The following HSPA12A variants were observed in gnomAD, a reference collection of about 807,000 sequenced individuals.
HSPA12A encodes the protein heat shock protein family A (Hsp70) member 12A.
A neutral mutation model predicts 69.2 loss-of-function variants in HSPA12A; 28 were observed. The observed-to-expected ratio is 0.40, with a 90% CI of 0.30 to 0.55. The LOEUF is 0.55. HSPA12A is among the 20% of genes least tolerant of loss of function. The pLI, the probability that HSPA12A is intolerant of heterozygous loss-of-function variation, is 0.38. For synonymous variants in HSPA12A, 345 were observed against 370.5 expected (o/e 0.93, Z 0.79); for missense variants, 686 against 900.7 (o/e 0.76, Z 3.05).
chr10:116,771,570 G>A (rs1218057912), intron 2 of HSPA12A, among the ~76,000 whole-genome samples: 1 of 152,218 alleles, frequency 6.6e-6, no homozygotes, highest in Non-Finnish European at 1.5e-5. Context: ...GCCCCCGGGA[G>A]GATGTTTCCG....
At chr10:116,746,322 G>C (rs1363260820), upstream of HSPA12A, among the ~76,000 whole-genome samples, 2 of 152,214 alleles carry the variant, frequency 1.3e-5, no homozygotes, top group African/African-American at 4.8e-5. Context: ...TGTGGAAAGG[G>C]CTGGACATGA....
intron 2 of HSPA12A, among the ~76,000 whole-genome samples, chr10:116,771,188 C>T (rs1554890445): frequency 6.6e-6 from 1 of 152,208 alleles, no homozygotes; most frequent in East Asian, 1.9e-4. Flanking sequence ...AAGGCCCTGC[C>T]CATTTTGCCT....
chr10:116,689,940 T>C (rs1282084248), intron 6 of HSPA12A, among the ~76,000 whole-genome samples: 1 of 152,216 alleles, frequency 6.6e-6, no homozygotes, highest in Non-Finnish European at 1.5e-5. Flanking sequence ...GGAGGGCCAT[T>C]GCTTTGCTCA....
chr10:116,700,724 C>G (rs902343525), intron 4 of HSPA12A, among the ~76,000 whole-genome samples: 1 of 152,190 alleles, frequency 6.6e-6, no homozygotes, highest in Non-Finnish European at 1.5e-5. Context: ...TTCAGAATAT[C>G]TCCCTGCCCA....
At chr10:116,839,285 A>G (rs1845765450) in intron 1 of HSPA12A, among the ~76,000 whole-genome samples, 1 of 152,202 alleles carries the variant, frequency 6.6e-6, no homozygotes. Context: ...TTTAGGATCA[A>G]GTCAGACATT....
At chr10:116,678,320 T>TGC (rs1849298456) in intron 10 of HSPA12A, among the ~76,000 whole-genome samples, 1 of 106,674 alleles carries the variant, frequency 9.4e-6, no homozygotes, top group African/African-American at 3.7e-5. Context: ...TGAATCTGAT[T>TGC]AAACCTCTAA....
intron 1 of HSPA12A, among the ~76,000 whole-genome samples, chr10:116,719,326 A>G (rs1850703578): frequency 6.6e-6 from 1 of 152,192 alleles, no homozygotes. Context: ...CTTTTAAGTG[A>G]GTACCCTGAG....
chr10:116,800,520 G>A (rs1025162237), intron 2 of HSPA12A, among the ~76,000 whole-genome samples: 5 of 152,206 alleles, frequency 3.3e-5, no homozygotes, highest in Admixed American at 6.5e-5. Context: ...GCCTTTGTGG[G>A]GAGAGGGAGC....
intron 1 of HSPA12A, among the ~76,000 whole-genome samples, chr10:116,840,013 G>A (rs1159111767): frequency 1.3e-5 from 2 of 152,078 alleles, no homozygotes; most frequent in Non-Finnish European, 2.9e-5. Context: ...ATACGGACGG[G>A]AAAGCCAGGT....
intron 2 of HSPA12A, among the ~76,000 whole-genome samples, chr10:116,791,401 A>C (rs2133152766): frequency 6.6e-6 from 1 of 152,308 alleles, no homozygotes; most frequent in South Asian, 2.1e-4. Flanking sequence ...TTTCCTCCAA[A>C]CCAGAGCAGC....
chr10:116,793,921 G>A (rs372496131), intron 2 of HSPA12A, among the ~76,000 whole-genome samples: 37 of 152,274 alleles, frequency 2.4e-4, no homozygotes, highest in Middle Eastern at 6.8e-3. Flanking sequence ...GGACCAGGCC[G>A]GGCACGGTGG....
chr10:116,707,331 A>G, intron 1 of HSPA12A, 46 bp from the exon 2 acceptor site: 1 of 1,447,364 alleles, frequency 6.9e-7, no homozygotes, highest in East Asian at 2.3e-5. Flanking sequence ...GCATGGACTG[A>G]CCCAGGGGGA....
At chr10:116,848,938 A>G (rs951705078) in intron 1 of HSPA12A, among the ~76,000 whole-genome samples, 5 of 152,160 alleles carry the variant, frequency 3.3e-5, no homozygotes, top group South Asian at 2.1e-4. Flanking sequence ...TCTCCTGGAC[A>G]TCATAGCAGG....
At chr10:116,829,437 C>T (rs996715483) in intron 2 of HSPA12A, 1 of 152,284 alleles carries the variant, frequency 6.6e-6, no homozygotes, top group African/African-American at 2.4e-5. Flanking sequence ...GTAAGACAGC[C>T]ATGGGCATAA....
intron 4 of HSPA12A, among the ~76,000 whole-genome samples, chr10:116,700,102 T>C (rs1425605048): frequency 3.3e-5 from 5 of 152,216 alleles, no homozygotes; most frequent in Non-Finnish European, 7.3e-5. Context: ...TTGTCTCCAT[T>C]TGACAGAGAA....
chr10:116,676,407 T>C lies in HSPA12A; in HGVS notation c.1382A>G (p.Glu461Gly), dbSNP rs781824167. The C allele has an allele frequency of 9.3e-6, 15 of 1,613,400 alleles. No individual in the cohort carries two copies. Among genetic ancestry groups the C allele is most frequent in the African/African-American group, 1.3e-5 (1 of 75,030 alleles). ...LFKPTIDSII[E>G]HLRDLFQKPE... ...GCCTGGCTGATACTTACGGAGATGC[T>C]CAATGATGCTATCGATGGTCGGCTT... is the stretch of plus-strand genomic sequence containing the variant. Residue 461 changes from glutamate to glycine, a missense_variant, in exon 11 of 12, where the codon GAG becomes GGG. Physicochemically the swap from Glu to Gly is moderately conservative, Grantham distance 98. Coordinates refer to ENST00000369209, the MANE Select transcript of HSPA12A (RefSeq NM_025015.3).
chr10:116,685,432 C>T (rs1213338123), intron 6 of HSPA12A, among the ~76,000 whole-genome samples: 4 of 150,998 alleles, frequency 2.6e-5, no homozygotes, highest in East Asian at 1.9e-4. Context: ...GTCTGGAGTT[C>T]GAGACCAGCC....
chr10:116,689,850 G>A (rs782174235), intron 6 of HSPA12A, among the ~76,000 whole-genome samples: 11 of 151,602 alleles, frequency 7.3e-5, no homozygotes. Context: ...CATGCAGGAG[G>A]AACTCCCGCT....
intron 2 of HSPA12A, among the ~76,000 whole-genome samples, chr10:116,822,104 A>T (rs1051573043): frequency 6.6e-6 from 1 of 152,254 alleles, no homozygotes; most frequent in African/African-American, 2.4e-5. Context: ...TAAGTAGTAC[A>T]CTTGGGTTTA....
Sources: gnomAD v4.1 joint callset for allele counts (sites outside exome capture counted in the v4.1 genomes callset) on GRCh38, gnomAD v4.1.1 for gene constraint, MANE v1.5 for transcripts, NCBI Gene and HGNC (gene_info 2026-07-23, HGNC 2026-07-21) for gene names.